The following NDUFAF2 variants were observed in gnomAD, a reference collection of about 807,000 sequenced individuals.
NDUFAF2 encodes NADH dehydrogenase [ubiquinone] 1 alpha subcomplex assembly factor 2.
NDUFAF2 carries 13 observed loss-of-function variants against 22.8 expected under a neutral mutation model. The ratio of observed to expected loss-of-function variants is 0.57; its 90% CI spans 0.37 to 0.91. The LOEUF is 0.91. NDUFAF2 is among the 40% of genes least tolerant of loss of function. The pLI is 0.01. For synonymous variants in NDUFAF2, 53 were observed against 64.2 expected (o/e 0.83, Z 0.84); for missense variants, 162 against 195.2 (o/e 0.83, Z 1.01).
At chr5:61,042,461 TAG>T (rs1016545115) in intron 1 of NDUFAF2, among the ~76,000 whole-genome samples, 2 of 152,100 alleles carry the variant, frequency 1.3e-5, no homozygotes, top group African/African-American at 4.8e-5. Flanking sequence ...AATATATATA[TAG>T]AGAGATATAC....
intron 1 of NDUFAF2, among the ~76,000 whole-genome samples, chr5:60,977,868 G>A (rs1750923661): frequency 2.0e-5 from 3 of 150,696 alleles, no homozygotes; most frequent in Non-Finnish European, 4.4e-5. Context: ...GAAGCCACCA[G>A]CAGTCATCCA....
chr5:61,048,643 C>T (rs1751985337), intron 1 of NDUFAF2, among the ~76,000 whole-genome samples: 1 of 152,146 alleles, frequency 6.6e-6, no homozygotes. Context: ...GGGCCAATAA[C>T]CTTGTTTCCC....
intron 1 of NDUFAF2, among the ~76,000 whole-genome samples, chr5:61,023,832 A>T (rs904790612): frequency 1.3e-5 from 2 of 152,068 alleles, no homozygotes; most frequent in African/African-American, 4.8e-5. Flanking sequence ...CTTTAGGTGG[A>T]TGCTCAGTTC....
intron 3 of NDUFAF2, among the ~76,000 whole-genome samples, chr5:61,120,644 A>G (rs1320390256): frequency 2.0e-5 from 3 of 152,156 alleles, no homozygotes; most frequent in Non-Finnish European, 4.4e-5. Flanking sequence ...ATTTTTAGAT[A>G]TACTCCTGCT....
At chr5:60,955,477 C>T (rs928076930) in intron 1 of NDUFAF2, among the ~76,000 whole-genome samples, 4 of 152,040 alleles carry the variant, frequency 2.6e-5, no homozygotes, top group East Asian at 1.9e-4. Context: ...AGCTTTTAAA[C>T]GTATTTTGAA....
intron 1 of NDUFAF2, among the ~76,000 whole-genome samples, chr5:61,045,359 T>C (rs930887282): frequency 2.0e-5 from 3 of 149,868 alleles, no homozygotes; most frequent in African/African-American, 7.3e-5. Context: ...TATTTTAAAA[T>C]TTCATTTTAA....
intron 3 of NDUFAF2, among the ~76,000 whole-genome samples, chr5:61,144,886 A>G (rs1034319506): frequency 6.6e-6 from 1 of 152,178 alleles, no homozygotes; most frequent in Non-Finnish European, 1.5e-5. Flanking sequence ...CCTCCTCTTT[A>G]TAATTCAAAT....
At chr5:60,992,113 C>A (rs1034364803) in intron 1 of NDUFAF2, among the ~76,000 whole-genome samples, 1 of 152,182 alleles carries the variant, frequency 6.6e-6, no homozygotes, top group African/African-American at 2.4e-5. Flanking sequence ...AATGTCTATT[C>A]AAATCTTTGC....
At chr5:60,968,383 C>T (rs888279846) in intron 1 of NDUFAF2, among the ~76,000 whole-genome samples, 2 of 151,488 alleles carry the variant, frequency 1.3e-5, no homozygotes, top group African/African-American at 4.8e-5. Context: ...TAACTTTGAG[C>T]TAAGTTTAGT....
Position 60,956,192 on chromosome 5 carries a change from TGCCTG to T in NDUFAF2, c.127+10815_127+10819del, listed in dbSNP as rs1400376473. On this transcript the variant is annotated intron_variant, in intron 1 of 3. Coordinates refer to ENST00000296597, the MANE Select transcript of NDUFAF2 (RefSeq NM_174889.5). Reference sequence around the variant, plus strand: ...TTGGGATTATAGGCATGAGCCACCATGCCTGGCCTCTATGTTGACTTTGTATCCTG... The same window carrying T: ...TTGGGATTATAGGCATGAGCCACCATGCCTCTATGTTGACTTTGTATCCTG... Among the ~76,000 whole-genome samples, 3 of 152,282 alleles carry T rather than the reference TGCCTG, an allele frequency of 2.0e-5. No individual in the cohort carries two copies. In the East Asian group the frequency reaches 5.8e-4, roughly 30 times the overall value.
chr5:61,092,491 G>A (rs1752581440), intron 2 of NDUFAF2, among the ~76,000 whole-genome samples: 1 of 152,034 alleles, frequency 6.6e-6, no homozygotes, highest in South Asian at 2.1e-4. Context: ...GAGTTAGTTT[G>A]TAATTTGGCT....
intron 1 of NDUFAF2, among the ~76,000 whole-genome samples, chr5:61,049,385 TG>T (rs1388044331): frequency 5.9e-5 from 9 of 152,144 alleles, no homozygotes; most frequent in African/African-American, 2.2e-4. Flanking sequence ...CTCCGAAATT[TG>T]AAGAATTATC....
chr5:61,052,908 A>G, intron 1 of NDUFAF2, among the ~76,000 whole-genome samples: 1 of 152,204 alleles, frequency 6.6e-6, no homozygotes, highest in East Asian at 1.9e-4. Flanking sequence ...CTAGCTTCCT[A>G]CCAAAATCAC....
intron 2 of NDUFAF2, among the ~76,000 whole-genome samples, chr5:61,075,445 G>C (rs1202284478): frequency 6.6e-6 from 1 of 152,122 alleles, no homozygotes; most frequent in East Asian, 1.9e-4. Flanking sequence ...TATTTTAGCA[G>C]ACTCTCCAGT....
chr5:61,032,399 G>T (rs1008748723), intron 1 of NDUFAF2, among the ~76,000 whole-genome samples: 34 of 152,226 alleles, frequency 2.2e-4, no homozygotes, highest in Middle Eastern at 3.4e-3. Context: ...GTTAATTTCT[G>T]TACAAGGTGT....
chr5:61,041,818 T>A (rs761064471), intron 1 of NDUFAF2, among the ~76,000 whole-genome samples: 3 of 152,138 alleles, frequency 2.0e-5, no homozygotes, highest in Non-Finnish European at 2.9e-5. Flanking sequence ...TAGAGGAAAG[T>A]GAAGATTTTA....
intron 1 of NDUFAF2, among the ~76,000 whole-genome samples, chr5:61,046,583 A>G (rs1460130492): frequency 6.6e-6 from 1 of 152,142 alleles, no homozygotes; most frequent in Admixed American, 6.5e-5. Flanking sequence ...TATATTATCT[A>G]TCATAAAATC....
intron 2 of NDUFAF2, among the ~76,000 whole-genome samples, chr5:61,091,448 T>C (rs1188326560): frequency 1.3e-5 from 2 of 152,222 alleles, no homozygotes; most frequent in East Asian, 3.8e-4. Context: ...TTTATGATTG[T>C]TGACCACATG....
At chr5:61,035,422 C>CTTTT (rs1177405606) in intron 1 of NDUFAF2, among the ~76,000 whole-genome samples, 1 of 62,554 alleles carries the variant, frequency 1.6e-5, no homozygotes, top group Admixed American at 1.8e-4. Context: ...CTCTCTTGCT[C>CTTTT]TGTTTTTTTT....
Sources: allele counts gnomAD v4.1 joint callset (sites outside exome capture counted in the v4.1 genomes callset), GRCh38; gene constraint gnomAD v4.1.1; transcripts MANE v1.5; gene names NCBI Gene and HGNC (gene_info 2026-07-23, HGNC 2026-07-21).